Variants in TRAF6 observed in about 807,000 individuals in gnomAD.
The protein encoded by TRAF6 is TNF receptor associated factor 6, also known as TNF receptor-associated factor 6.
Under a neutral mutation model 48.4 loss-of-function variants are expected in TRAF6, and 10 were observed. The observed-to-expected ratio is 0.21, with a 90% CI of 0.13 to 0.35. TRAF6 has a LOEUF of 0.35. Among genes scored for constraint, TRAF6 ranks in the 10% least tolerant of loss-of-function variants. The pLI, the probability that TRAF6 is intolerant of heterozygous loss-of-function variation, is 1.00. For missense variants in TRAF6, 397 were observed against 661.0 expected, an observed-to-expected ratio of 0.60 and a Z score of 4.38; for synonymous variants, 186 against 219.6, an observed-to-expected ratio of 0.85 and a Z score of 1.35.
Position 36,488,107 on chromosome 11 carries a change from A to C in TRAF6, c.*1731T>G, listed in dbSNP as rs984985977. The C allele has an allele frequency of 6.6e-6, 1 of 152,214 alleles. No homozygotes were observed. Among genetic ancestry groups the C allele is most frequent in the African/African-American group, 2.4e-5 (1 of 41,446 alleles). The allele number at this position is 152,214 out of a possible 1,614,324, so 9.4% of individuals were successfully genotyped here. A position where few individuals can be genotyped will look rare whatever the true frequency, so the allele number is the denominator to read the frequency against. ...ATAATCACAGGAACAGCAGCAGTGTAGGTTTCCCTACCTAGAGGGTGGTAT... is the reference window on the plus strand; with the variant it reads ...ATAATCACAGGAACAGCAGCAGTGTCGGTTTCCCTACCTAGAGGGTGGTAT... On this transcript the variant is annotated 3_prime_UTR_variant, in exon 7 of 7. Transcript: ENST00000526995.
chr11:36,489,491 A>T lies in TRAF6; in HGVS notation c.*347T>A. 1 of 220,174 alleles carries T rather than the reference A, an allele frequency of 4.5e-6. No homozygotes were observed. The allele number at this position is 220,174 out of a possible 1,614,324, so 13.6% of individuals were successfully genotyped here. A position where few individuals can be genotyped will look rare whatever the true frequency, so the allele number is the denominator to read the frequency against. ...TTTTAAGGAAAATCCATTATTATTA[A>T]AAGTTTAGTACTCTTGAGTCTGGAC... is the stretch of plus-strand genomic sequence containing the variant. On this transcript the variant is annotated 3_prime_UTR_variant, in exon 7 of 7. Transcript: ENST00000526995.
chr11:36,504,285 C>T (rs774397703), intron 1 of TRAF6, among the ~76,000 whole-genome samples: 2 of 152,248 alleles, frequency 1.3e-5, no homozygotes, highest in Non-Finnish European at 2.9e-5. Flanking sequence ...TCAAAAATAG[C>T]GTTAATCCTC....
rs545947457 is a variant in TRAF6, at chr11:36,490,675, G to T, written c.757-25C>A. The T allele has an allele frequency of 3.3e-5, 52 of 1,587,338 alleles. 1 individual carries two copies. The South Asian group carries it at 5.7e-4, about 17-fold the overall frequency. ...TCTAAAAATCAAGCACAAGCCTTAG[G>T]CTGGGAATAGATACCGTGAGGAGTA... On this transcript the variant is annotated intron_variant, in intron 6 of 6. Coordinates refer to ENST00000526995, the MANE Select transcript of TRAF6 (RefSeq NM_004620.4). The surrounding 1 kb of genome is among the most constrained non-coding windows in gnomAD (Gnocchi z 6.4).
chr11:36,491,559 C>G (rs1183990268), intron 6 of TRAF6, among the ~76,000 whole-genome samples: 1 of 152,196 alleles, frequency 6.6e-6, no homozygotes, highest in Admixed American at 6.5e-5. Context: ...TGTAACTGCA[C>G]TCTCCAAAAA....
In TRAF6 at chr11:36,502,057, A is replaced by C. The variant is rs142347644; in HGVS notation, c.-22-520T>G. 2.0e-5 allele frequency among the ~76,000 whole-genome samples: 3 copies of C among 152,340 alleles called. No individual in the cohort carries two copies. The East Asian group carries it at 5.8e-4, about 29-fold the overall frequency. On this transcript the variant is annotated intron_variant, in intron 1 of 6. Transcript: ENST00000526995. ...CTGAGCTGAAGGGAATAGTATGGCT[A>C]GCAGCTCAGTGCCAGGAAAAGCAGT...
intron 5 of TRAF6, among the ~76,000 whole-genome samples, chr11:36,494,036 A>G (rs1202377462): frequency 6.6e-6 from 1 of 152,174 alleles, no homozygotes; most frequent in Non-Finnish European, 1.5e-5. Flanking sequence ...GAAGATAGCA[A>G]TCAGATGGAA....
At position 36,497,194 on chromosome 11, in the gene TRAF6, T is replaced by C. The variant is rs762066204; in HGVS notation, c.520A>G (p.Ile174Val). 3.1e-6 allele frequency: 5 copies of C among 1,614,050 alleles called. No homozygotes were observed. The Admixed American group carries it at 8.3e-5, about 27-fold the overall frequency. ...QCQRPFQKFHINIHILKDCPR... is the reference protein window; with the variant it reads ...QCQRPFQKFHVNIHILKDCPR... ...CAATCCTTCAGAATGTGAATATTAA[T>C]ATGGAATTTTTGGAAGGGACGCTGG... Residue 174 changes from isoleucine to valine, a missense_variant, in exon 4 of 7, where the codon ATT becomes GTT. By Grantham distance (29) the Ile-to-Val change is conservative. Around this residue, in one of 4 missense-constraint regions of TRAF6, gnomAD observed 245 missense variants for 349.1 expected, o/e 0.70. Coordinates refer to ENST00000526995, the MANE Select transcript of TRAF6 (RefSeq NM_004620.4).
chr11:36,502,677 T>A (rs1462886436), intron 1 of TRAF6, among the ~76,000 whole-genome samples: 3 of 152,178 alleles, frequency 2.0e-5, no homozygotes, highest in Non-Finnish European at 4.4e-5. Flanking sequence ...TAGCACTTGA[T>A]GACCGCCTAC....
chr11:36,492,746 AG>A, intron 5 of TRAF6, 118 bp from the exon 6 acceptor site: 1 of 732,940 alleles, frequency 1.4e-6, no homozygotes, highest in Non-Finnish European at 2.4e-6. Flanking sequence ...GCAGTTGAAT[AG>A]GTGCAGCATA....
At chr11:36,505,437 T>C (rs932430469) in intron 1 of TRAF6, among the ~76,000 whole-genome samples, 6 of 152,228 alleles carry the variant, frequency 3.9e-5, no homozygotes, top group African/African-American at 1.4e-4. Context: ...CCAACTTTTC[T>C]TTTGCAGCTT....
chr11:36,504,806 C>T (rs1564969409), intron 1 of TRAF6, among the ~76,000 whole-genome samples: 1 of 152,162 alleles, frequency 6.6e-6, no homozygotes, highest in South Asian at 2.1e-4. Flanking sequence ...CTAAATGACT[C>T]CTTGATCCAT....
At chr11:36,500,815 T>C (rs1859705723) in intron 2 of TRAF6, among the ~76,000 whole-genome samples, 1 of 152,170 alleles carries the variant, frequency 6.6e-6, no homozygotes. Flanking sequence ...AGATTTAACA[T>C]GCCTAAAATC....
intron 2 of TRAF6, 38 bp from the exon 3 acceptor site, chr11:36,498,678 C>T: frequency 6.4e-7 from 1 of 1,555,914 alleles, no homozygotes; most frequent in Non-Finnish European, 8.7e-7. Flanking sequence ...GATTTAAAGA[C>T]TCACATTAGA....
chr11:36,492,349 T>A (rs1365976268), intron 6 of TRAF6, among the ~76,000 whole-genome samples: 1 of 152,238 alleles, frequency 6.6e-6, no homozygotes, highest in Non-Finnish European at 1.5e-5. Context: ...CAAAGCATCA[T>A]GTTTTGTCAA....
At chr11:36,494,355 AGAGT>A (rs1859601165) in intron 5 of TRAF6, among the ~76,000 whole-genome samples, 1 of 152,182 alleles carries the variant, frequency 6.6e-6, no homozygotes, top group Admixed American at 6.5e-5. Context: ...CTTAGGCAAC[AGAGT>A]GAGACTCTAT....
intron 4 of TRAF6, among the ~76,000 whole-genome samples, chr11:36,495,530 G>T (rs1465972051): frequency 6.6e-6 from 1 of 152,164 alleles, no homozygotes; most frequent in Non-Finnish European, 1.5e-5. Context: ...AGAATATAAT[G>T]ACTTTAGTTG....
intron 1 of TRAF6, chr11:36,501,756 T>C: frequency 6.4e-6 from 2 of 312,746 alleles, no homozygotes; most frequent in Non-Finnish European, 5.8e-6. Flanking sequence ...TATTATTATT[T>C]GTGCAAATCA....
chr11:36,489,745 T>C lies in TRAF6; in HGVS notation c.*93A>G, dbSNP rs5030476. 258 of 1,291,288 alleles carry C rather than the reference T, an allele frequency of 2.0e-4. 2 individuals carry two copies. The African/African-American group carries it at 3.3e-3, about 16-fold the overall frequency. 80.0% of individuals were successfully genotyped at this position (1,291,288 alleles called of 1,614,324 possible). A position where few individuals can be genotyped will look rare whatever the true frequency, so the allele number is the denominator to read the frequency against. ...CACTCACTAGTAGATATTACATATT[T>C]CCCGTGGCTTGTTTGTTTGCATGTT... On this transcript the variant is annotated 3_prime_UTR_variant, in exon 7 of 7. Coordinates refer to ENST00000526995, the MANE Select transcript of TRAF6 (RefSeq NM_004620.4).
intron 6 of TRAF6, 45 bp downstream of exon 6, chr11:36,492,506 T>A (rs1335989378): frequency 1.2e-5 from 17 of 1,420,468 alleles, no homozygotes; most frequent in Non-Finnish European, 1.6e-5. Flanking sequence ...ATGTAAATAT[T>A]TTTTTTTACT....
Sources: allele counts gnomAD v4.1 joint callset (sites outside exome capture counted in the v4.1 genomes callset), GRCh38; gene constraint gnomAD v4.1.1; regional missense constraint gnomAD v4.1.1; non-coding constraint Gnocchi (gnomAD v3.1); transcripts MANE v1.5; gene names NCBI Gene and HGNC (gene_info 2026-07-23, HGNC 2026-07-21).